Variants in BBS7 observed in about 807,000 individuals in gnomAD.
BBS7 encodes the protein Bardet-Biedl syndrome 7, also known as BBSome complex member BBS7.
BBS7 carries 50 observed loss-of-function variants against 90.3 expected under a neutral mutation model. The ratio of observed to expected loss-of-function variants is 0.55; its 90% CI spans 0.44 to 0.70. BBS7 has a LOEUF of 0.70. BBS7 is among the 30% of genes least tolerant of loss of function. The pLI, the probability that BBS7 is intolerant of heterozygous loss-of-function variation, is 0.00. For synonymous variants in BBS7, 235 were observed against 287.4 expected (o/e 0.82, Z 1.85); for missense variants, 729 against 838.9 (o/e 0.87, Z 1.62).
At chr4:121,847,356 C>A (rs1320522316) in intron 10 of BBS7, 48 bp downstream of exon 10, 2 of 1,242,692 alleles carry the variant, frequency 1.6e-6, no homozygotes, top group Non-Finnish European at 2.4e-6. Context: ...GCAACAACCA[C>A]ACACTTCATG....
intron 1 of BBS7, 122 bp downstream of exon 1, chr4:121,870,156 G>T: frequency 3.1e-6 from 4 of 1,285,782 alleles, no homozygotes; most frequent in East Asian, 2.3e-5. Context: ...TCGGCACCCA[G>T]CCCGGCTCCT....
chr4:121,859,276 T>C (rs1726851093), intron 4 of BBS7, 98 bp from the exon 5 acceptor site: 2 of 1,059,542 alleles, frequency 1.9e-6, no homozygotes, highest in Non-Finnish European at 2.9e-6. Flanking sequence ...ACTAACATTT[T>C]ATTATAGACT....
intron 10 of BBS7, among the ~76,000 whole-genome samples, chr4:121,846,286 G>T (rs1726008554): frequency 6.6e-6 from 1 of 152,154 alleles, no homozygotes; most frequent in African/African-American, 2.4e-5. Context: ...TCCAGTTAAG[G>T]GGAAGGGCCA....
chr4:121,843,464 C>G (rs1725845717), intron 12 of BBS7, among the ~76,000 whole-genome samples: 1 of 152,138 alleles, frequency 6.6e-6, no homozygotes, highest in South Asian at 2.1e-4. Context: ...GTAGAACTGA[C>G]AGAAACTAGT....
At chr4:121,847,719 CA>C (rs912832209) in intron 9 of BBS7, among the ~76,000 whole-genome samples, 3 of 150,332 alleles carry the variant, frequency 2.0e-5, no homozygotes, top group African/African-American at 7.5e-5. Context: ...TTCACGATAT[CA>C]TTTTTTTTTT....
At chr4:121,835,970 T>G (rs1725432527) in intron 13 of BBS7, among the ~76,000 whole-genome samples, 1 of 152,152 alleles carries the variant, frequency 6.6e-6, no homozygotes, top group Non-Finnish European at 1.5e-5. Flanking sequence ...TCTACGTACA[T>G]GTACAAAAAA....
rs1416969589 is a variant in BBS7 at position 121,855,410 on chromosome 4, T to A, written c.601+79A>T. On this transcript the variant is annotated intron_variant, in intron 6 of 18. Coordinates refer to ENST00000264499, the MANE Select transcript of BBS7 (RefSeq NM_176824.3). Reference sequence around the variant, plus strand: ...AAAGACAACTGTCTCAATTCTAGTTTATGTCCTTTCTACAATTTCCCATTT... The same window carrying A: ...AAAGACAACTGTCTCAATTCTAGTTAATGTCCTTTCTACAATTTCCCATTT... 5.4e-6 allele frequency: 7 copies of A among 1,298,046 alleles called. No individual in the cohort carries two copies. In the African/African-American group the frequency reaches 1.0e-4, roughly 19 times the overall value. 80.4% of individuals were successfully genotyped at this position (1,298,046 alleles called of 1,614,324 possible).
intron 3 of BBS7, 51 bp downstream of exon 3, chr4:121,863,166 G>C: frequency 6.5e-7 from 1 of 1,536,200 alleles, no homozygotes; most frequent in Non-Finnish European, 9.0e-7. Context: ...TCAATAAATA[G>C]TGCATTCTCT....
At position 121,853,050 on chromosome 4, in the gene BBS7, T is replaced by A; in HGVS notation, c.755A>T (p.Asp252Val). ...LCIDSFDIVG[D>V]GVKDLLVGRD... ...CCCAACAAGTAAATCTTTAACCCCA[T>A]CACCCACAATGTCAAAGCTGTCAAT... Residue 252 changes from aspartate to valine, a missense_variant, in exon 8 of 19, where the codon GAT (aspartate) becomes GTT (valine). Physicochemically the swap from Asp to Val is radical, Grantham distance 152. Transcript: ENST00000264499. 1 of 1,613,684 alleles carries A rather than the reference T, an allele frequency of 6.2e-7. No individual in the cohort carries two copies. The highest frequency in any genetic ancestry group is 8.5e-7 in the Non-Finnish European group (1 of 1,179,750).
Position 121,854,690 on chromosome 4 carries a change from C to T in BBS7, c.718+14G>A. ...CATTGACACCTCAGAATCTGAACTACATGAAAAGCATACCTCCTCTCTTTT... is the reference window on the plus strand; with the variant it reads ...CATTGACACCTCAGAATCTGAACTATATGAAAAGCATACCTCCTCTCTTTT... On this transcript the variant is annotated intron_variant, in intron 7 of 18. Transcript: ENST00000264499. 3 of 1,609,276 alleles carry T rather than the reference C, an allele frequency of 1.9e-6. No homozygotes were observed. Among genetic ancestry groups the T allele is most frequent in the East Asian group, 2.2e-5 (1 of 44,576 alleles).
intron 5 of BBS7, among the ~76,000 whole-genome samples, chr4:121,855,897 T>A (rs944418550): frequency 1.4e-5 from 2 of 142,358 alleles, no homozygotes; most frequent in Non-Finnish European, 3.1e-5. Context: ...TACATACATG[T>A]ATGTGTATAT....
At chr4:121,843,031 G>T (rs1490385210) in intron 12 of BBS7, among the ~76,000 whole-genome samples, 1 of 152,116 alleles carries the variant, frequency 6.6e-6, no homozygotes, top group East Asian at 1.9e-4. Context: ...GGAAGCAACA[G>T]ATCATGTTCC....
At chr4:121,863,071 C>T (rs1454731067) in intron 3 of BBS7, 146 bp downstream of exon 3, 6 of 743,244 alleles carry the variant, frequency 8.1e-6, no homozygotes, top group South Asian at 3.7e-5. Flanking sequence ...TTGTGCTACC[C>T]GCAGACTCAT....
intron 1 of BBS7, among the ~76,000 whole-genome samples, chr4:121,869,197 C>T (rs1248855168): frequency 2.6e-5 from 4 of 152,138 alleles, no homozygotes; most frequent in African/African-American, 9.7e-5. Context: ...AAGTACATAG[C>T]ATAAACCCCT....
In BBS7 at chr4:121,839,705, A is replaced by C; in HGVS notation, c.1306-9T>G. The C allele has an allele frequency of 6.2e-7, 1 of 1,611,160 alleles. No homozygotes were observed. On this transcript the variant is annotated splice_polypyrimidine_tract_variant and intron_variant, in intron 12 of 18. Coordinates refer to ENST00000264499, the MANE Select transcript of BBS7 (RefSeq NM_176824.3). Reference sequence around the variant, plus strand: ...AGGAAGTTGTCGTTTGACTGGGAAGAATACAAAGTGGAGGAAAAGAATGAA... The same window carrying C: ...AGGAAGTTGTCGTTTGACTGGGAAGCATACAAAGTGGAGGAAAAGAATGAA...
At chr4:121,857,404 C>A (rs1726741253) in intron 5 of BBS7, among the ~76,000 whole-genome samples, 1 of 152,144 alleles carries the variant, frequency 6.6e-6, no homozygotes, top group Non-Finnish European at 1.5e-5. Flanking sequence ...TAGGCCTGAG[C>A]CGCTGTGCCC....
rs146685100 is a variant in BBS7, at chr4:121,838,658, T to C, written c.1371+973A>G. Among the ~76,000 whole-genome samples the C allele has an allele frequency of 1.3e-3, 199 of 151,860 alleles. 1 individual carries two copies. Among genetic ancestry groups the C allele is most frequent in the African/African-American group, 4.6e-3 (190 of 41,406 alleles). On this transcript the variant is annotated intron_variant, in intron 13 of 18. Transcript: ENST00000264499. ...TATGGTGAATGCCCAGATACTTTAA[T>C]AACTAAGTTAATTTAGAAGATGACT... is the stretch of plus-strand genomic sequence containing the variant.
Position 121,854,803 on chromosome 4 carries a change from G to A in BBS7, c.619C>T (p.Leu207Phe), listed in dbSNP as rs747360680. The A allele has an allele frequency of 5.0e-6, 8 of 1,611,762 alleles. No individual in the cohort carries two copies. Among genetic ancestry groups the A allele is most frequent in the Non-Finnish European group, 6.8e-6 (8 of 1,178,630 alleles). Residue 207 changes from leucine (L) to phenylalanine (F), a missense_variant, in exon 7 of 19, where the codon CTT (leucine) becomes TTT (phenylalanine). Transcript: ENST00000264499. ...NGNGGDSGED[L>F]LFGTSDGKLA... ...TTTCCGTCTGATGTCCCAAACAAAA[G>A]GTCTTCTCCAGAGTCACCTACTTAT...
chr4:121,856,993 T>G (rs745462790), intron 5 of BBS7, among the ~76,000 whole-genome samples: 9 of 152,134 alleles, frequency 5.9e-5, no homozygotes, highest in Non-Finnish European at 1.0e-4. Context: ...GGTCTTGAAC[T>G]CCTGACCTCA....
Sources: gnomAD v4.1 joint callset for allele counts (sites outside exome capture counted in the v4.1 genomes callset) on GRCh38, gnomAD v4.1.1 for gene constraint, MANE v1.5 for transcripts, NCBI Gene and HGNC (gene_info 2026-07-23, HGNC 2026-07-21) for gene names.